CEP170: variants seen among roughly 807,000 people sequenced by gnomAD.
CEP170 encodes centrosomal protein 170, also known as centrosomal protein of 170 kDa.
A neutral mutation model predicts 151.9 loss-of-function variants in CEP170; 21 were observed. That is an observed-to-expected ratio of 0.14 (90% CI 0.10 to 0.20). The LOEUF (loss-of-function observed/expected upper bound fraction) is 0.20, where lower values mean the gene tolerates loss of function less well. Ranked by LOEUF, CEP170 falls within the 10% of genes least tolerant of loss-of-function variation. CEP170 has a pLI of 1.00. For missense variants in CEP170, 964 were observed against 1,892.9 expected (o/e 0.51, Z 9.11); for synonymous variants, 356 against 648.8 (o/e 0.55, Z 6.86).
intron 3 of CEP170, among the ~76,000 whole-genome samples, chr1:243,216,525 A>T (rs2062314834): frequency 6.6e-6 from 1 of 152,148 alleles, no homozygotes; most frequent in Non-Finnish European, 1.5e-5. Context: ...ATTTGAGAAG[A>T]CTGCCCTTCC....
chr1:243,154,482 C>T (rs991880049), intron 14 of CEP170, among the ~76,000 whole-genome samples: 25 of 152,260 alleles, frequency 1.6e-4, no homozygotes, highest in African/African-American at 6.0e-4. Context: ...TTCCTTCCAC[C>T]ACCCTCCTTT....
chr1:243,138,143 A>G (rs1371807839), intron 16 of CEP170, among the ~76,000 whole-genome samples: 1 of 152,260 alleles, frequency 6.6e-6, no homozygotes, highest in Non-Finnish European at 1.5e-5. Context: ...AATTCCTGAT[A>G]TCAACCTTGA....
At chr1:243,158,447 G>A (rs897255332) in intron 13 of CEP170, among the ~76,000 whole-genome samples, 3 of 152,188 alleles carry the variant, frequency 2.0e-5, no homozygotes, top group Admixed American at 6.5e-5. Context: ...ACGTAAGTAT[G>A]ATAAAACTCA....
At chr1:243,231,018 G>A (rs1337539827) in intron 1 of CEP170, among the ~76,000 whole-genome samples, 1 of 151,798 alleles carries the variant, frequency 6.6e-6, no homozygotes, top group African/African-American at 2.4e-5. Context: ...GTACAATGGA[G>A]CCTCAGTAAG....
At chr1:243,232,618 T>C (rs1294325467) in intron 1 of CEP170, among the ~76,000 whole-genome samples, 1 of 152,200 alleles carries the variant, frequency 6.6e-6, no homozygotes, top group East Asian at 1.9e-4. Flanking sequence ...CATTCCTCCC[T>C]TCTTTCAACA....
chr1:243,213,911 ATGTCACCCAGGCTGGTCT>A, intron 3 of CEP170, among the ~76,000 whole-genome samples: 1 of 152,236 alleles, frequency 6.6e-6, no homozygotes, highest in Non-Finnish European at 1.5e-5. Flanking sequence ...GGGTCTCACT[ATGTCACCCAGGCTGGTCT>A]TGAATTCCTG....
intron 1 of CEP170, among the ~76,000 whole-genome samples, chr1:243,249,538 T>A (rs2065744220): frequency 1.3e-5 from 2 of 152,176 alleles, no homozygotes; most frequent in South Asian, 4.1e-4. Context: ...AGATAAGATG[T>A]AGGGTGAAAA....
chr1:243,216,698 T>G (rs2062334597), intron 3 of CEP170, among the ~76,000 whole-genome samples: 1 of 152,172 alleles, frequency 6.6e-6, no homozygotes, highest in South Asian at 2.1e-4. Flanking sequence ...TATATAGAGA[T>G]AGGGGAATAC....
intron 17 of CEP170, among the ~76,000 whole-genome samples, chr1:243,130,440 A>G (rs2054269812): frequency 6.6e-6 from 1 of 152,104 alleles, no homozygotes; most frequent in Non-Finnish European, 1.5e-5. Flanking sequence ...CATTACCCTA[A>G]CATCAAATAA....
At chr1:243,217,409 C>A (rs1275116328) in intron 3 of CEP170, among the ~76,000 whole-genome samples, 1 of 152,164 alleles carries the variant, frequency 6.6e-6, no homozygotes, top group South Asian at 2.1e-4. Context: ...CTCAAAAGGC[C>A]TGTGATGACC....
intron 14 of CEP170, among the ~76,000 whole-genome samples, chr1:243,147,435 C>T (rs2056630503): frequency 6.6e-6 from 1 of 152,336 alleles, no homozygotes; most frequent in African/African-American, 2.4e-5. Flanking sequence ...TTCTTCTTGA[C>T]ATGCCTTTCA....
In CEP170 at chr1:243,211,938, C is replaced by T. The variant is rs145395289; in HGVS notation, c.222G>A (p.Pro74=). Residue 74 remains proline (P), a synonymous_variant, in exon 4 of 20, where the codon CCG becomes CCA. Transcript: ENST00000366542. ...NGTFVNDVRI[P]EQTYITLKLE... is the part of the protein sequence containing the mutation. Reference sequence around the variant, plus strand: ...GTTTCAAGGTGATATAAGTCTGTTCCGGAATCCTTACATCATTCACAAAAG... The same window carrying T: ...GTTTCAAGGTGATATAAGTCTGTTCTGGAATCCTTACATCATTCACAAAAG... 6.6e-4 allele frequency: 1,034 copies of T among 1,558,622 alleles called. 11 individuals are homozygous for T. The East Asian group carries it at 0.022, about 33-fold the overall frequency.
At chr1:243,251,560 C>G (rs1024706364) in intron 1 of CEP170, among the ~76,000 whole-genome samples, 1 of 152,156 alleles carries the variant, frequency 6.6e-6, no homozygotes, top group African/African-American at 2.4e-5. Context: ...CACACATAAA[C>G]TTCCTGGCAC....
At position 243,172,865 on chromosome 1, in the gene CEP170, T is replaced by C; in HGVS notation, c.1567-19A>G. ...CAAACACCTAGAGGGAAAAATTATT[T>C]TATAAATGAAAACGAAAAGTCTGAA... On this transcript the variant is annotated intron_variant, in intron 10 of 19. Coordinates refer to ENST00000366542, the MANE Select transcript of CEP170 (RefSeq NM_014812.3). 1 of 1,524,388 alleles carries C rather than the reference T, an allele frequency of 6.6e-7. No individual in the cohort carries two copies. Among genetic ancestry groups the C allele is most frequent in the Non-Finnish European group, 8.8e-7 (1 of 1,138,842 alleles). 94.4% of individuals were successfully genotyped at this position (1,524,388 alleles called of 1,614,324 possible).
chr1:243,209,721 C>T (rs1178074724), intron 4 of CEP170, among the ~76,000 whole-genome samples: 1 of 151,768 alleles, frequency 6.6e-6, no homozygotes, highest in Non-Finnish European at 1.5e-5. Flanking sequence ...GCTCTGTTGC[C>T]CAGGCTGGAG....
At chr1:243,246,184 A>T (rs1487656696) in intron 1 of CEP170, among the ~76,000 whole-genome samples, 2 of 151,808 alleles carry the variant, frequency 1.3e-5, no homozygotes, top group African/African-American at 4.8e-5. Flanking sequence ...ATTGATTTGC[A>T]CAGAAATTCA....
At chr1:243,146,954 C>T (rs1192626675) in intron 14 of CEP170, among the ~76,000 whole-genome samples, 1 of 151,708 alleles carries the variant, frequency 6.6e-6, no homozygotes, top group Non-Finnish European at 1.5e-5. Flanking sequence ...ATTGTGAATC[C>T]CCCCTAACCA....
intron 14 of CEP170, among the ~76,000 whole-genome samples, chr1:243,150,980 C>T (rs1459349858): frequency 6.6e-6 from 1 of 152,132 alleles, no homozygotes; most frequent in East Asian, 1.9e-4. Flanking sequence ...AGTCCATATT[C>T]TTCACCATTC....
intron 14 of CEP170, 133 bp downstream of exon 14, chr1:243,156,088 A>G: frequency 8.0e-7 from 1 of 1,250,312 alleles, no homozygotes; most frequent in Non-Finnish European, 1.1e-6. Flanking sequence ...TACTGACTAA[A>G]CGGAGTTCAC....
Sources: allele counts gnomAD v4.1 joint callset (sites outside exome capture counted in the v4.1 genomes callset), GRCh38; gene constraint gnomAD v4.1.1; transcripts MANE v1.5; gene names NCBI Gene and HGNC (gene_info 2026-07-23, HGNC 2026-07-21).